Variants in HHAT observed in about 807,000 individuals in gnomAD.
HHAT encodes protein-cysteine N-palmitoyltransferase HHAT.
HHAT carries 47 observed loss-of-function variants against 70.8 expected under a neutral mutation model. That is an observed-to-expected ratio of 0.66 (90% CI 0.53 to 0.85). The LOEUF (loss-of-function observed/expected upper bound fraction) is 0.85. HHAT is among the 40% of genes least tolerant of loss of function. The probability of loss-of-function intolerance (pLI) is 0.00; values close to 1 mark genes in which losing one functional copy is unlikely to be tolerated. For missense variants in HHAT, 609 were observed against 604.8 expected (o/e 1.01, Z -0.07); for synonymous variants, 228 against 247.6 (o/e 0.92, Z 0.74).
intron 10 of HHAT, among the ~76,000 whole-genome samples, chr1:210,598,552 G>C (rs1269319208): frequency 2.0e-5 from 3 of 152,170 alleles, no homozygotes; most frequent in Admixed American, 2.0e-4. Context: ...TGTTCTAAGT[G>C]TCCCCTCCAC....
In HHAT at chr1:210,404,545, A is replaced by C; in HGVS notation, c.550A>C (p.Ser184Arg). ...TCGCTGCCTGTACTACACCAGCTTC[A>C]GCCTGGAGCTCTGCTGGCAGCAGCT... ...TVRCLYYTSF[S>R]LELCWQQLPA... Residue 184 changes from serine to arginine, a missense_variant, in exon 6 of 12, where the codon AGC becomes CGC. By Grantham distance (110) the Ser-to-Arg change is moderately radical. Coordinates refer to ENST00000261458, the MANE Select transcript of HHAT (RefSeq NM_018194.6). The C allele has an allele frequency of 1.2e-6, 2 of 1,613,914 alleles. No homozygotes were observed. The highest frequency in any genetic ancestry group is 1.7e-6 in the Non-Finnish European group (2 of 1,179,920).
In HHAT at chr1:210,404,572, C is replaced by G; in HGVS notation, c.577C>G (p.Pro193Ala). The G allele has an allele frequency of 1.2e-6, 2 of 1,612,928 alleles. No individual in the cohort carries two copies. Among genetic ancestry groups the G allele is most frequent in the Non-Finnish European group, 1.7e-6 (2 of 1,178,908 alleles). ...FSLELCWQQL[P>A]AASTSYSFPW... ...CCTGGAGCTCTGCTGGCAGCAGCTGCCTGCTGCATCGACCTCCTACTCCTT... is the reference window on the plus strand; with the variant it reads ...CCTGGAGCTCTGCTGGCAGCAGCTGGCTGCTGCATCGACCTCCTACTCCTT... The change falls in exon 6 of 12, where the codon CCT becomes GCT. Residue 193 changes from proline (P) to alanine (A), a missense_variant. Pro to Ala is a conservative substitution (Grantham distance 27). Transcript: ENST00000261458.
At chr1:210,438,308 T>C (rs1262587999) in intron 7 of HHAT, among the ~76,000 whole-genome samples, 1 of 151,806 alleles carries the variant, frequency 6.6e-6, no homozygotes, top group Non-Finnish European at 1.5e-5. Context: ...TTCTTTGGTG[T>C]CCTGTGGTCA....
intron 10 of HHAT, among the ~76,000 whole-genome samples, chr1:210,593,393 T>G (rs1323757529): frequency 6.6e-6 from 1 of 152,106 alleles, no homozygotes; most frequent in African/African-American, 2.4e-5. Flanking sequence ...ATCATTTGTT[T>G]CAAGGAGTTT....
intron 11 of HHAT, among the ~76,000 whole-genome samples, chr1:210,641,997 A>G (rs1428468870): frequency 6.6e-6 from 1 of 152,150 alleles, no homozygotes; most frequent in East Asian, 1.9e-4. Context: ...CTGTGCTTCC[A>G]TTTTTATTAG....
chr1:210,374,670 T>C (rs1318079496), intron 3 of HHAT, among the ~76,000 whole-genome samples: 2 of 152,124 alleles, frequency 1.3e-5, no homozygotes, highest in Non-Finnish European at 2.9e-5. Flanking sequence ...TTTAGCATCA[T>C]CTTATTTTGA....
At chr1:210,654,756 C>G (rs547285217) in intron 11 of HHAT, among the ~76,000 whole-genome samples, 2 of 152,282 alleles carry the variant, frequency 1.3e-5, no homozygotes, top group South Asian at 4.1e-4. Flanking sequence ...CAGTGCAGCC[C>G]CTAGGAAGGA....
intron 7 of HHAT, among the ~76,000 whole-genome samples, chr1:210,428,115 C>G (rs2093124327): frequency 8.7e-6 from 1 of 115,346 alleles, no homozygotes; most frequent in African/African-American, 3.1e-5. Context: ...GATTACAATC[C>G]CTGATTTTTT....
rs372246649 is a variant in HHAT, at chr1:210,346,255, C to T, written c.-43-2678C>T. On this transcript the variant is annotated intron_variant, in intron 1 of 11. Transcript: ENST00000261458. ...ATCATTTGTGTTCAAATTTCAGTCG[C>T]CCAATTAGGAGATCAGCTTTTTGCT... 5.3e-5 allele frequency among the ~76,000 whole-genome samples: 8 copies of T among 152,216 alleles called. No homozygotes were observed. In the South Asian group the frequency reaches 1.7e-3, roughly 32 times the overall value.
At chr1:210,385,056 C>T (rs149320001) in intron 3 of HHAT, among the ~76,000 whole-genome samples, 1,727 of 152,052 alleles carry the variant, frequency 0.011, 15 homozygotes, top group Non-Finnish European at 0.017. Flanking sequence ...GGGATTTTAC[C>T]AGCAGAGTTT....
At chr1:210,469,857 G>A (rs2094170288) in intron 8 of HHAT, among the ~76,000 whole-genome samples, 1 of 151,912 alleles carries the variant, frequency 6.6e-6, no homozygotes, top group African/African-American at 2.4e-5. Flanking sequence ...AAAGTTCTGG[G>A]ATACATGTGC....
In HHAT at chr1:210,660,135, G is replaced by A. The variant is rs1574067376; in HGVS notation, c.1391-14153G>A. Among the ~76,000 whole-genome samples, 3 of 152,172 alleles carry A rather than the reference G, an allele frequency of 2.0e-5. No homozygotes were observed. The East Asian group carries it at 5.8e-4, about 29-fold the overall frequency. On this transcript the variant is annotated intron_variant, in intron 11 of 11. Transcript: ENST00000261458. ...AGAGGAAGTCAAATTGTCCCTGTTT[G>A]CAGAAGACATGATTGTATATTTAGA...
At chr1:210,612,824 T>A (rs1327291405) in intron 10 of HHAT, among the ~76,000 whole-genome samples, 1 of 152,218 alleles carries the variant, frequency 6.6e-6, no homozygotes, top group Non-Finnish European at 1.5e-5. Flanking sequence ...TTGTTTTTGA[T>A]ATAGCCACCT....
At position 210,464,598 on chromosome 1, in the gene HHAT, C is replaced by T. The variant is rs771201072; in HGVS notation, c.950C>T (p.Thr317Ile). 3.7e-6 allele frequency: 6 copies of T among 1,614,026 alleles called. No homozygotes were observed. In the South Asian group the frequency reaches 5.5e-5, roughly 15 times the overall value. The change falls in exon 8 of 12, where the codon ACT (threonine) becomes ATT (isoleucine). Residue 317 changes from threonine to isoleucine, a missense_variant. Physicochemically the swap from Thr to Ile is moderately conservative, Grantham distance 89 (BLOSUM62 -1). Coordinates refer to ENST00000261458, the MANE Select transcript of HHAT (RefSeq NM_018194.6). ...PALLMRLDGLTPPALPRCVST... is the reference protein window; with the variant it reads ...PALLMRLDGLIPPALPRCVST... ...CTGCTCATGCGCCTGGATGGACTCA[C>T]TCCACCCGCCCTCCCCCGCTGCGTG...
chr1:210,386,222 C>CTTTTTTCTTTTTTTTTTTTT (rs1558409107), intron 3 of HHAT, among the ~76,000 whole-genome samples: 3 of 69,890 alleles, frequency 4.3e-5, no homozygotes, highest in African/African-American at 1.6e-4. Context: ...GAGTCCTTTT[C>CTTTTTTCTTTTTTTTTTTTT]TTTTTTTCTT....
At chr1:210,532,823 C>T (rs2095328864) in intron 9 of HHAT, among the ~76,000 whole-genome samples, 1 of 152,112 alleles carries the variant, frequency 6.6e-6, no homozygotes, top group Non-Finnish European at 1.5e-5. Context: ...TTAGAAATGC[C>T]AGAGCACAAA....
At chr1:210,396,246 A>G (rs2091780002) in intron 4 of HHAT, among the ~76,000 whole-genome samples, 1 of 152,190 alleles carries the variant, frequency 6.6e-6, no homozygotes, top group African/African-American at 2.4e-5. Context: ...AGAACCTGGA[A>G]TAAAGACCAT....
intron 11 of HHAT, among the ~76,000 whole-genome samples, chr1:210,658,582 C>A (rs912932186): frequency 6.6e-6 from 1 of 152,176 alleles, no homozygotes; most frequent in East Asian, 1.9e-4. Context: ...CTGTACCAAG[C>A]AGACCTAATA....
At position 210,645,254 on chromosome 1, in the gene HHAT, CT is replaced by C. The variant is rs534602831; in HGVS notation, c.1390+21589del. On this transcript the variant is annotated intron_variant, in intron 11 of 11. Coordinates refer to ENST00000261458, the MANE Select transcript of HHAT (RefSeq NM_018194.6). ...GGAGACACCACCATTTGTTGCTGTA[CT>C]TTTTATGAAATCCACTTTATTTAGG... Among the ~76,000 whole-genome samples, 32 of 152,184 alleles carry C rather than the reference CT, an allele frequency of 2.1e-4. 1 individual carries two copies. The South Asian group carries it at 6.7e-3, about 32-fold the overall frequency.
Sources: gnomAD v4.1 joint callset for allele counts (sites outside exome capture counted in the v4.1 genomes callset) on GRCh38, gnomAD v4.1.1 for gene constraint, MANE v1.5 for transcripts, NCBI Gene and HGNC (gene_info 2026-07-23, HGNC 2026-07-21) for gene names.